APBA2: variants seen among roughly 807,000 people sequenced by gnomAD.
APBA2 encodes amyloid beta precursor protein binding family A member 2.
APBA2 carries 30 observed loss-of-function variants against 75.0 expected under a neutral mutation model. The observed-to-expected ratio is 0.40, with a 90% CI of 0.30 to 0.54. APBA2 has a LOEUF of 0.54. Among genes scored for constraint, APBA2 ranks in the 20% least tolerant of loss-of-function variants. The pLI, the probability that APBA2 is intolerant of heterozygous loss-of-function variation, is 0.49. For synonymous variants in APBA2, 444 were observed against 409.6 expected, an observed-to-expected ratio of 1.08 and a Z score of -1.01; for missense variants, 801 against 1,016.1, an observed-to-expected ratio of 0.79 and a Z score of 2.88.
At chr15:28,961,242 CTA>C (rs2152738340) in intron 2 of APBA2, 1 of 152,330 alleles carries the variant, frequency 6.6e-6, no homozygotes, top group African/African-American at 2.4e-5. Flanking sequence ...ACATGAAAGA[CTA>C]TGTGGTGCAA....
intron 6 of APBA2, among the ~76,000 whole-genome samples, chr15:29,092,528 C>A (rs762207004): frequency 1.3e-5 from 2 of 152,036 alleles, no homozygotes; most frequent in African/African-American, 2.4e-5. Flanking sequence ...TGTTGGGTCA[C>A]GATGGTCTAG....
At position 29,094,318 on chromosome 15, in the gene APBA2, G is replaced by T; in HGVS notation, c.1251+5G>T. On this transcript the variant is annotated splice_donor_5th_base_variant and intron_variant, in intron 8 of 14. Coordinates refer to ENST00000683413, the MANE Select transcript of APBA2 (RefSeq NM_001353788.2). ...GCTAAGATCAAGAAAAAAGCGGTGT[G>T]TAGGGCCTTGAGGCCCTGGGACAGT... The T allele has an allele frequency of 1.2e-6, 2 of 1,614,170 alleles. No homozygotes were observed. Among genetic ancestry groups the T allele is most frequent in the Non-Finnish European group, 1.7e-6 (2 of 1,179,948 alleles).
intron 3 of APBA2, among the ~76,000 whole-genome samples, chr15:28,998,485 G>T (rs375166883): frequency 1.3e-5 from 2 of 152,090 alleles, no homozygotes; most frequent in African/African-American, 4.8e-5. Context: ...CTAGCCCAAA[G>T]TGTTCTTTAA....
chr15:28,923,876 C>A (rs777858093), intron 2 of APBA2, among the ~76,000 whole-genome samples: 6 of 152,060 alleles, frequency 3.9e-5, no homozygotes, highest in Non-Finnish European at 8.8e-5. Context: ...GCCTCCACCG[C>A]CCCCCCGGGG....
chr15:29,066,591 G>A (rs1248537543), intron 4 of APBA2, among the ~76,000 whole-genome samples: 1 of 152,068 alleles, frequency 6.6e-6, no homozygotes, highest in South Asian at 2.1e-4. Context: ...GGGTGCAGAG[G>A]TTCAGTTGTG....
At chr15:29,109,968 G>A (rs1273110518) in intron 13 of APBA2, among the ~76,000 whole-genome samples, 1 of 152,208 alleles carries the variant, frequency 6.6e-6, no homozygotes, top group African/African-American at 2.4e-5. Context: ...GCCTGCCGCA[G>A]GAGCTCGCCA....
chr15:28,918,631 G>T lies in APBA2; in HGVS notation c.-204-3009G>T, dbSNP rs867368325. On this transcript the variant is annotated intron_variant, in intron 1 of 14. Coordinates refer to ENST00000683413, the MANE Select transcript of APBA2 (RefSeq NM_001353788.2). This position sits in a 1 kb window ranked among gnomAD's most constrained non-coding sequence, Gnocchi z 4.2. ...GCGTGTGGGTGTGGTGGGGTTGGGG[G>T]TGGGGGTGGGGCTGGGGGTGGTTGC... 3.5e-4 allele frequency among the ~76,000 whole-genome samples: 53 copies of T among 151,472 alleles called. No individual in the cohort carries two copies. The highest frequency in any genetic ancestry group is 5.6e-4 in the African/African-American group (23 of 41,226).
intron 2 of APBA2, among the ~76,000 whole-genome samples, chr15:28,950,490 G>T (rs528852684): frequency 1.3e-5 from 2 of 152,078 alleles, no homozygotes; most frequent in African/African-American, 4.8e-5. Context: ...AGCCAGGCGT[G>T]GTGGTGGGCA....
chr15:28,934,042 G>A (rs540058078), intron 2 of APBA2, among the ~76,000 whole-genome samples: 237 of 152,172 alleles, frequency 1.6e-3, no homozygotes, highest in Non-Finnish European at 2.7e-3. Flanking sequence ...AAGGCATGGA[G>A]TGGGCAGCTC....
rs192440005 is a variant in APBA2 at position 29,066,656 on chromosome 15, T to G, written c.952-8265T>G. On this transcript the variant is annotated intron_variant, in intron 4 of 14. Transcript: ENST00000683413. ...GGTGATGGTCGCTCAACAGTGTGAATGTACTTAATGCCACTGAATTGTACA... is the reference window on the plus strand; with the variant it reads ...GGTGATGGTCGCTCAACAGTGTGAAGGTACTTAATGCCACTGAATTGTACA... Among the ~76,000 whole-genome samples, 8 of 152,266 alleles carry G rather than the reference T, an allele frequency of 5.3e-5. No homozygotes were observed. The East Asian group carries it at 1.5e-3, about 29-fold the overall frequency.
intron 2 of APBA2, among the ~76,000 whole-genome samples, chr15:28,942,533 G>A (rs1309366102): frequency 6.6e-6 from 1 of 152,178 alleles, no homozygotes; most frequent in Admixed American, 6.5e-5. Context: ...AGTATTTCTT[G>A]GGGGAGGAAC....
intron 2 of APBA2, among the ~76,000 whole-genome samples, chr15:28,931,170 A>G (rs1373153024): frequency 3.9e-5 from 6 of 152,084 alleles, no homozygotes; most frequent in South Asian, 2.1e-4. Context: ...GCCAGAAACC[A>G]TGCTGGGGTG....
intron 1 of APBA2, among the ~76,000 whole-genome samples, chr15:28,901,457 C>A (rs1369950720): frequency 6.6e-6 from 1 of 152,158 alleles, no homozygotes; most frequent in African/African-American, 2.4e-5. Context: ...TTCCTATGGG[C>A]CTGTCCTTGC....
chr15:28,887,499 A>G (rs773065805), intron 1 of APBA2, among the ~76,000 whole-genome samples: 4 of 152,050 alleles, frequency 2.6e-5, no homozygotes, highest in Non-Finnish European at 4.4e-5. Context: ...CAATGAGGTG[A>G]GGCAGGGGTT....
chr15:29,037,474 C>T (rs982392821), intron 3 of APBA2, among the ~76,000 whole-genome samples: 1 of 152,084 alleles, frequency 6.6e-6, no homozygotes, highest in Non-Finnish European at 1.5e-5. Flanking sequence ...GCCAGTGCCT[C>T]TGAGGGTTTG....
intron 3 of APBA2, among the ~76,000 whole-genome samples, chr15:29,034,744 T>A (rs2040658540): frequency 6.6e-6 from 1 of 152,156 alleles, no homozygotes; most frequent in Non-Finnish European, 1.5e-5. Flanking sequence ...GGCATCAGAA[T>A]CCCCTGGAGA....
At position 29,101,583 on chromosome 15, in the gene APBA2, GTC is replaced by G; in HGVS notation, c.1339-13_1339-12del. 1.9e-6 allele frequency: 3 copies of G among 1,611,082 alleles called. No individual in the cohort carries two copies. The highest frequency in any genetic ancestry group is 2.2e-5 in the South Asian group (2 of 90,482). On this transcript the variant is annotated splice_polypyrimidine_tract_variant and intron_variant, in intron 9 of 14. Coordinates refer to ENST00000683413, the MANE Select transcript of APBA2 (RefSeq NM_001353788.2). The stretch of plus-strand genomic sequence containing the variant: ...CAGTAGTGTTCCCTGACGTGGCACT[GTC>G]TCCCTCCCGACAGGAAACCATGATG...
At chr15:28,995,199 A>C (rs1220406033) in intron 2 of APBA2, among the ~76,000 whole-genome samples, 1 of 152,080 alleles carries the variant, frequency 6.6e-6, no homozygotes, top group Non-Finnish European at 1.5e-5. Flanking sequence ...TCCTCTATTC[A>C]GGGAAGTCTG....
At chr15:29,057,122 T>C (rs1381782873) in intron 4 of APBA2, among the ~76,000 whole-genome samples, 1 of 152,118 alleles carries the variant, frequency 6.6e-6, no homozygotes, top group African/African-American at 2.4e-5. Context: ...TAGTGATCCC[T>C]ATGGTTGAGG....
Sources: gnomAD v4.1 joint callset for allele counts (sites outside exome capture counted in the v4.1 genomes callset) on GRCh38, gnomAD v4.1.1 for gene constraint, Gnocchi (gnomAD v3.1) non-coding constraint, MANE v1.5 for transcripts, NCBI Gene and HGNC (gene_info 2026-07-23, HGNC 2026-07-21) for gene names.